The following PPP1R9A variants were observed in gnomAD, a reference collection of about 807,000 sequenced individuals.
The protein encoded by PPP1R9A is protein phosphatase 1 regulatory subunit 9A.
PPP1R9A carries 59 observed loss-of-function variants against 141.9 expected under a neutral mutation model. The ratio of observed to expected loss-of-function variants is 0.42; its 90% CI spans 0.34 to 0.52. PPP1R9A has a LOEUF of 0.52. Among genes scored for constraint, PPP1R9A ranks in the 20% least tolerant of loss-of-function variants. The pLI is 0.10. For missense variants in PPP1R9A, 1,444 were observed against 1,611.9 expected (o/e 0.90, Z 1.78); for synonymous variants, 500 against 569.7 (o/e 0.88, Z 1.74).
intron 2 of PPP1R9A, among the ~76,000 whole-genome samples, chr7:95,110,682 A>G (rs1584741148): frequency 6.6e-6 from 1 of 152,346 alleles, no homozygotes; most frequent in East Asian, 1.9e-4. Flanking sequence ...CCCTTTAGCG[A>G]TATTTTCATA....
chr7:95,273,453 G>T (rs543901271), intron 14 of PPP1R9A, among the ~76,000 whole-genome samples: 2 of 152,094 alleles, frequency 1.3e-5, no homozygotes, highest in African/African-American at 2.4e-5. Context: ...GATATTCTGC[G>T]CTGGGCTTTG....
At chr7:94,969,527 C>G (rs191886303) in intron 2 of PPP1R9A, among the ~76,000 whole-genome samples, 2 of 152,206 alleles carry the variant, frequency 1.3e-5, no homozygotes, top group Admixed American at 1.3e-4. Flanking sequence ...AGCTTTGTCT[C>G]AGTGGGGCAC....
chr7:94,999,769 ATATCT>A (rs1279100597), intron 2 of PPP1R9A, among the ~76,000 whole-genome samples: 2 of 145,394 alleles, frequency 1.4e-5, no homozygotes, highest in Non-Finnish European at 3.0e-5. Context: ...ACCAGCTGAG[ATATCT>A]TATTTTATTT....
chr7:95,103,202 A>G, intron 2 of PPP1R9A, among the ~76,000 whole-genome samples: 1 of 105,680 alleles, frequency 9.5e-6, no homozygotes, highest in Admixed American at 1.2e-4. Flanking sequence ...AATCAATTTT[A>G]ATATAAATAT....
At chr7:94,984,620 G>A (rs1800563411) in intron 2 of PPP1R9A, among the ~76,000 whole-genome samples, 1 of 152,146 alleles carries the variant, frequency 6.6e-6, no homozygotes, top group Non-Finnish European at 1.5e-5. Context: ...TATTTGCATA[G>A]AGGTGTTTAT....
intron 5 of PPP1R9A, among the ~76,000 whole-genome samples, chr7:95,183,381 C>T (rs1404133153): frequency 6.6e-6 from 1 of 151,122 alleles, no homozygotes; most frequent in Non-Finnish European, 1.5e-5. Flanking sequence ...CTCAGGTGAT[C>T]TGCCCACCTT....
At chr7:95,277,610 A>G (rs1803438785) in intron 16 of PPP1R9A, among the ~76,000 whole-genome samples, 1 of 151,940 alleles carries the variant, frequency 6.6e-6, no homozygotes, top group Non-Finnish European at 1.5e-5. Flanking sequence ...AAAAAATTGT[A>G]GAGGTGGGGT....
At chr7:95,286,125 C>G in intron 17 of PPP1R9A, 81 bp from the exon 18 acceptor site, 3 of 1,543,652 alleles carry the variant, frequency 1.9e-6, no homozygotes, top group Non-Finnish European at 2.6e-6. Flanking sequence ...TTTAAAAGAG[C>G]CCTTTTAGAG....
At chr7:95,105,788 A>C (rs1324809832) in intron 2 of PPP1R9A, among the ~76,000 whole-genome samples, 1 of 152,264 alleles carries the variant, frequency 6.6e-6, no homozygotes, top group Non-Finnish European at 1.5e-5. Flanking sequence ...CTTCCTGGTC[A>C]GAGAAAACAC....
chr7:95,203,595 A>C, intron 6 of PPP1R9A, 70 bp from the exon 7 acceptor site: 2 of 1,195,506 alleles, frequency 1.7e-6, no homozygotes, highest in Non-Finnish European at 2.4e-6. Flanking sequence ...AGTGTTTTTC[A>C]ATCCTTTATC....
intron 2 of PPP1R9A, among the ~76,000 whole-genome samples, chr7:94,964,018 CT>C (rs1436226419): frequency 2.0e-5 from 3 of 152,030 alleles, no homozygotes; most frequent in African/African-American, 7.2e-5. Flanking sequence ...TCTTTTTTCC[CT>C]TGGGGACACT....
At chr7:95,097,127 G>A (rs1373302475) in intron 2 of PPP1R9A, among the ~76,000 whole-genome samples, 5 of 151,970 alleles carry the variant, frequency 3.3e-5, no homozygotes, top group Non-Finnish European at 7.4e-5. Context: ...AGATTCAAGC[G>A]ATTCTCCTGC....
At chr7:94,914,816 C>T (rs559603538) in intron 2 of PPP1R9A, among the ~76,000 whole-genome samples, 1 of 152,218 alleles carries the variant, frequency 6.6e-6, no homozygotes, top group Non-Finnish European at 1.5e-5. Flanking sequence ...ACAAATACAA[C>T]AAATACATAA....
chr7:95,276,587 TC>T (rs1803231950), intron 16 of PPP1R9A, among the ~76,000 whole-genome samples: 2 of 152,192 alleles, frequency 1.3e-5, no homozygotes, highest in African/African-American at 4.8e-5. Context: ...ATGATTTTGA[TC>T]TTTTGTAGTT....
intron 2 of PPP1R9A, among the ~76,000 whole-genome samples, chr7:94,952,879 T>G (rs1204896900): frequency 6.6e-6 from 1 of 152,210 alleles, no homozygotes; most frequent in Admixed American, 6.5e-5. Flanking sequence ...ATGGATAGAT[T>G]GCAAAAATTT....
At chr7:94,990,778 C>G (rs1026786455) in intron 2 of PPP1R9A, among the ~76,000 whole-genome samples, 1 of 151,792 alleles carries the variant, frequency 6.6e-6, no homozygotes, top group Admixed American at 6.6e-5. Context: ...TTTTAGCTTC[C>G]TCATATGAAT....
chr7:94,916,915 A>G (rs1193630288), intron 2 of PPP1R9A, among the ~76,000 whole-genome samples: 1 of 152,092 alleles, frequency 6.6e-6, no homozygotes, highest in Non-Finnish European at 1.5e-5. Context: ...CCTGGGTTCA[A>G]GAGATTCTCA....
chr7:95,139,384 C>G (rs1353724165), intron 4 of PPP1R9A, among the ~76,000 whole-genome samples: 1 of 152,282 alleles, frequency 6.6e-6, no homozygotes, highest in East Asian at 1.9e-4. Flanking sequence ...TCGGGTCCCT[C>G]CCACAACATG....
intron 2 of PPP1R9A, among the ~76,000 whole-genome samples, chr7:95,108,657 A>T (rs940236494): frequency 2.0e-5 from 3 of 151,910 alleles, no homozygotes; most frequent in African/African-American, 7.2e-5. Context: ...ATTTTCCAAT[A>T]TGCAGTCTTA....
Sources: allele counts gnomAD v4.1 joint callset (sites outside exome capture counted in the v4.1 genomes callset), GRCh38; gene constraint gnomAD v4.1.1; transcripts MANE v1.5; gene names NCBI Gene and HGNC (gene_info 2026-07-23, HGNC 2026-07-21).